The following AAGAB variants were observed in gnomAD, a reference collection of about 807,000 sequenced individuals.
The protein encoded by AAGAB is alpha and gamma adaptin binding protein.
AAGAB carries 38 observed loss-of-function variants against 44.1 expected under a neutral mutation model. The observed-to-expected ratio is 0.86, with a 90% CI of 0.67 to 1.13. AAGAB has a LOEUF of 1.13. Ranked by LOEUF, AAGAB falls within the 50% of genes most tolerant of loss-of-function variation. The pLI is 0.00. For missense variants in AAGAB, 450 were observed against 373.8 expected (o/e 1.20, Z -1.68); for synonymous variants, 131 against 131.8 (o/e 0.99, Z 0.04).
intron 1 of AAGAB, among the ~76,000 whole-genome samples, chr15:67,246,528 CAAT>C (rs1230247019): frequency 6.6e-6 from 1 of 152,100 alleles, no homozygotes; most frequent in Non-Finnish European, 1.5e-5. Context: ...AACATAAATA[CAAT>C]GTTATGTCCA....
intron 5 of AAGAB, among the ~76,000 whole-genome samples, chr15:67,216,272 T>C (rs1351592348): frequency 6.6e-6 from 1 of 151,240 alleles, no homozygotes; most frequent in Non-Finnish European, 1.5e-5. Context: ...TAAAACCCCG[T>C]CTCTACTAAA....
intron 1 of AAGAB, among the ~76,000 whole-genome samples, chr15:67,253,755 T>C (rs1964967821): frequency 6.8e-6 from 1 of 147,004 alleles, no homozygotes; most frequent in Non-Finnish European, 1.5e-5. Flanking sequence ...TCCCGTCTCT[T>C]TAAAAAAAAA....
intron 4 of AAGAB, among the ~76,000 whole-genome samples, chr15:67,235,585 C>A (rs1964442180): frequency 1.3e-5 from 2 of 152,100 alleles, no homozygotes; most frequent in African/African-American, 4.8e-5. Context: ...TTTGAAATGT[C>A]CCCTGCGATT....
intron 5 of AAGAB, among the ~76,000 whole-genome samples, chr15:67,219,667 A>T (rs1467690710): frequency 2.6e-5 from 4 of 152,066 alleles, no homozygotes; most frequent in Admixed American, 2.6e-4. Context: ...AGTGGGAGGG[A>T]GGGGGGCAAG....
At chr15:67,254,744 C>T (rs1450832681), upstream of AAGAB, 9 of 1,345,720 alleles carry the variant, frequency 6.7e-6, no homozygotes, top group Admixed American at 2.0e-5. Context: ...AATGACCAGG[C>T]TGGCCTGACC....
intron 5 of AAGAB, among the ~76,000 whole-genome samples, chr15:67,212,135 C>G (rs1337852456): frequency 2.0e-5 from 3 of 152,148 alleles, no homozygotes; most frequent in African/African-American, 7.2e-5. Context: ...CCCGCCTTGG[C>G]CTTCCAAAGT....
intron 8 of AAGAB, 54 bp from the exon 9 acceptor site, chr15:67,203,651 A>C (rs1455297363): frequency 1.4e-6 from 2 of 1,465,816 alleles, no homozygotes; most frequent in African/African-American, 2.8e-5. Context: ...GATAACCTGG[A>C]GTATATGAAT....
chr15:67,252,323 G>C (rs893245352), intron 1 of AAGAB, among the ~76,000 whole-genome samples: 1 of 152,202 alleles, frequency 6.6e-6, no homozygotes, highest in Non-Finnish European at 1.5e-5. Flanking sequence ...CCTAATGCAT[G>C]TAAGTCTTTT....
chr15:67,223,479 T>C (rs1018743224), intron 5 of AAGAB, among the ~76,000 whole-genome samples: 2 of 152,170 alleles, frequency 1.3e-5, no homozygotes, highest in Non-Finnish European at 2.9e-5. Context: ...TCATATCTCA[T>C]ATCTAAACTA....
rs1964464969 is a variant in AAGAB, at chr15:67,236,389, T to C, written c.361+19A>G. 6.2e-7 allele frequency: 1 copy of C among 1,605,956 alleles called. No homozygotes were observed. Among genetic ancestry groups the C allele is most frequent in the Non-Finnish European group, 8.5e-7 (1 of 1,172,946 alleles). ...TGGCAAATGCATGTACCAACTACTGTCCCATCCACAGGCCTTACCATCTTC... is the reference window on the plus strand; with the variant it reads ...TGGCAAATGCATGTACCAACTACTGCCCCATCCACAGGCCTTACCATCTTC... On this transcript the variant is annotated intron_variant, in intron 3 of 9. Transcript: ENST00000261880.
intron 1 of AAGAB, among the ~76,000 whole-genome samples, chr15:67,243,136 T>C (rs184526162): frequency 2.6e-5 from 4 of 152,022 alleles, no homozygotes; most frequent in East Asian, 1.9e-4. Flanking sequence ...CTTAAAATAA[T>C]TGGGGAAAGT....
At chr15:67,238,889 G>T (rs959893449) in intron 1 of AAGAB, among the ~76,000 whole-genome samples, 3 of 152,082 alleles carry the variant, frequency 2.0e-5, no homozygotes, top group African/African-American at 7.2e-5. Context: ...TACAGACAGG[G>T]TTTCACCATG....
At chr15:67,245,112 T>C (rs1428938947) in intron 1 of AAGAB, among the ~76,000 whole-genome samples, 1 of 152,168 alleles carries the variant, frequency 6.6e-6, no homozygotes, top group Non-Finnish European at 1.5e-5. Context: ...TTTCTTAAAA[T>C]ACCAAATATA....
At chr15:67,204,750 A>G (rs1042289143) in intron 7 of AAGAB, among the ~76,000 whole-genome samples, 10 of 152,140 alleles carry the variant, frequency 6.6e-5, no homozygotes, top group Admixed American at 6.5e-4. Flanking sequence ...ACCTTGGCAC[A>G]CTGCTTCTTT....
intron 5 of AAGAB, among the ~76,000 whole-genome samples, chr15:67,214,236 T>G (rs1963889157): frequency 6.6e-6 from 1 of 152,262 alleles, no homozygotes; most frequent in African/African-American, 2.4e-5. Flanking sequence ...TGGTTTAGAC[T>G]GTGATTTTCA....
At chr15:67,219,838 T>C (rs747593607) in intron 5 of AAGAB, among the ~76,000 whole-genome samples, 1 of 152,348 alleles carries the variant, frequency 6.6e-6, no homozygotes. Context: ...TAAGTTAATA[T>C]AGAAGTTATA....
intron 5 of AAGAB, among the ~76,000 whole-genome samples, chr15:67,226,336 G>C (rs532045415): frequency 6.6e-6 from 1 of 151,988 alleles, no homozygotes; most frequent in Non-Finnish European, 1.5e-5. Flanking sequence ...TGCCCAGGTT[G>C]GTTTTGAATG....
chr15:67,206,013 A>C (rs1215205708), intron 7 of AAGAB, among the ~76,000 whole-genome samples: 1 of 152,246 alleles, frequency 6.6e-6, no homozygotes. Context: ...TAATATTGGT[A>C]TAATGCCATT....
At chr15:67,222,118 GT>G (rs1205308795) in intron 5 of AAGAB, among the ~76,000 whole-genome samples, 2 of 151,906 alleles carry the variant, frequency 1.3e-5, no homozygotes, top group Non-Finnish European at 2.9e-5. Flanking sequence ...AAATTCCATG[GT>G]CAATCATTAT....
Sources: gnomAD v4.1 joint callset for allele counts (sites outside exome capture counted in the v4.1 genomes callset) on GRCh38, gnomAD v4.1.1 for gene constraint, MANE v1.5 for transcripts, NCBI Gene and HGNC (gene_info 2026-07-23, HGNC 2026-07-21) for gene names.